NRXN3: variants seen among roughly 807,000 people sequenced by gnomAD.
NRXN3 encodes the protein neurexin III.
Under a neutral mutation model 137.6 loss-of-function variants are expected in NRXN3, and 32 were observed. The observed-to-expected ratio is 0.23, with a 90% CI of 0.18 to 0.31. NRXN3 has a LOEUF of 0.31. Ranked by LOEUF, NRXN3 falls within the 10% of genes least tolerant of loss-of-function variation. NRXN3 has a pLI of 1.00. For synonymous variants in NRXN3, 798 were observed against 784.5 expected (o/e 1.02, Z -0.29); for missense variants, 1,574 against 2,062.5 (o/e 0.76, Z 4.59).
intron 4 of NRXN3, among the ~76,000 whole-genome samples, chr14:78,386,841 T>C (rs1012575325): frequency 2.6e-5 from 4 of 151,950 alleles, no homozygotes; most frequent in Non-Finnish European, 4.4e-5. Context: ...AGTGCAGCGG[T>C]GCCATCTTGG....
At chr14:79,500,024 A>T (rs1476555279) in intron 16 of NRXN3, among the ~76,000 whole-genome samples, 1 of 151,110 alleles carries the variant, frequency 6.6e-6, no homozygotes, top group Admixed American at 6.7e-5. Flanking sequence ...AAACTAATGC[A>T]ATGTAAGAAG....
intron 8 of NRXN3, among the ~76,000 whole-genome samples, chr14:78,757,174 G>A (rs1454857490): frequency 6.6e-6 from 1 of 152,100 alleles, no homozygotes; most frequent in South Asian, 2.1e-4. Flanking sequence ...TTGGGAGGCC[G>A]AGGGGGGCAG....
chr14:78,951,512 T>TC (rs1355403327), intron 10 of NRXN3, among the ~76,000 whole-genome samples: 1 of 152,134 alleles, frequency 6.6e-6, no homozygotes, highest in Non-Finnish European at 1.5e-5. Flanking sequence ...AAGTAGCCAG[T>TC]CCTCAGTCCT....
chr14:79,663,945 T>A lies in NRXN3; in HGVS notation c.3612T>A (p.Pro1204=). The part of the protein sequence containing the change: ...VDNWPVNEHY[P]TGNTDNERFQ... ...ACTGGCCAGTGAATGAACATTATCC[T>A]ACAGGTACATGTTGTTCGCTCAATG... The change falls in exon 17 of 21, where the codon CCT becomes CCA. Residue 1204 remains proline, a synonymous_variant. Transcript: ENST00000335750. The A allele has an allele frequency of 6.2e-7, 1 of 1,613,328 alleles. No individual in the cohort carries two copies. The highest frequency in any genetic ancestry group is 8.5e-7 in the Non-Finnish European group (1 of 1,179,514).
chr14:78,245,874 A>AG (rs1471815133), intron 2 of NRXN3, among the ~76,000 whole-genome samples: 1 of 152,130 alleles, frequency 6.6e-6, no homozygotes, highest in African/African-American at 2.4e-5. Context: ...CACTGGGAGA[A>AG]GGGGTGGGGA....
At chr14:78,444,217 GATGAC>G (rs1382738275) in intron 4 of NRXN3, among the ~76,000 whole-genome samples, 1 of 152,184 alleles carries the variant, frequency 6.6e-6, no homozygotes, top group Admixed American at 6.5e-5. Context: ...ACAAGAACAT[GATGAC>G]ATGAATAGTG....
intron 4 of NRXN3, among the ~76,000 whole-genome samples, chr14:78,608,432 G>A (rs1359898937): frequency 6.6e-6 from 1 of 152,178 alleles, no homozygotes; most frequent in South Asian, 2.1e-4. Context: ...TCTCTTTACT[G>A]TTTTCACATA....
chr14:79,224,333 A>G (rs1390345251), intron 15 of NRXN3, among the ~76,000 whole-genome samples: 1 of 152,208 alleles, frequency 6.6e-6, no homozygotes, highest in African/African-American at 2.4e-5. Context: ...TTGGATTACC[A>G]TTGTCAATAT....
chr14:79,731,841 T>G (rs1403179792), intron 19 of NRXN3, among the ~76,000 whole-genome samples: 2 of 151,868 alleles, frequency 1.3e-5, no homozygotes, highest in African/African-American at 4.8e-5. Flanking sequence ...TTTTAATTTT[T>G]TTTTTGGTTG....
rs566776032 is a variant in NRXN3 at position 79,835,909 on chromosome 14, G to A, written c.4094-25433G>A. On this transcript the variant is annotated intron_variant, in intron 20 of 20. Coordinates refer to ENST00000335750, the MANE Select transcript of NRXN3 (RefSeq NM_001330195.2). Reference sequence around the variant, plus strand: ...ACAGTGACAGCAGGGGAACAGCACAGTATCCTACTTGGCCACTGGTAGGAG... The same window carrying A: ...ACAGTGACAGCAGGGGAACAGCACAATATCCTACTTGGCCACTGGTAGGAG... 2.0e-5 allele frequency among the ~76,000 whole-genome samples: 3 copies of A among 152,246 alleles called. No individual in the cohort carries two copies. In the East Asian group the frequency reaches 5.8e-4, roughly 29 times the overall value.
At chr14:78,928,764 G>A (rs1468412540) in intron 10 of NRXN3, among the ~76,000 whole-genome samples, 2 of 152,076 alleles carry the variant, frequency 1.3e-5, no homozygotes, top group African/African-American at 4.8e-5. Flanking sequence ...ATAAACATAC[G>A]TGTGCATGTG....
rs548699852 is a variant in NRXN3, at chr14:78,419,735, A to T, written c.757+121875A>T. ...GGTAATGAATAATTAAAGGTTAAACAAAGGGAATAGTTCTAGAGACTGGGT... is the reference window on the plus strand; with the variant it reads ...GGTAATGAATAATTAAAGGTTAAACTAAGGGAATAGTTCTAGAGACTGGGT... On this transcript the variant is annotated intron_variant, in intron 4 of 20. Coordinates refer to ENST00000335750, the MANE Select transcript of NRXN3 (RefSeq NM_001330195.2). Among the ~76,000 whole-genome samples the T allele has an allele frequency of 3.9e-5, 6 of 152,262 alleles. No homozygotes were observed. The East Asian group carries it at 1.2e-3, about 29-fold the overall frequency.
At chr14:78,967,124 C>A in intron 12 of NRXN3, 84 bp from the exon 13 acceptor site, 1 of 1,142,540 alleles carries the variant, frequency 8.8e-7, no homozygotes, top group Non-Finnish European at 1.2e-6. Context: ...GGATTTGAAG[C>A]CCACTATGTC....
At chr14:79,090,129 T>C (rs910780844) in intron 15 of NRXN3, among the ~76,000 whole-genome samples, 6 of 152,146 alleles carry the variant, frequency 3.9e-5, no homozygotes, top group African/African-American at 1.4e-4. Context: ...GGAAACACCT[T>C]CTCTTTTTAA....
intron 15 of NRXN3, among the ~76,000 whole-genome samples, chr14:79,212,000 G>A (rs980461356): frequency 6.6e-6 from 1 of 152,118 alleles, no homozygotes; most frequent in African/African-American, 2.4e-5. Context: ...TGTTGTTTCT[G>A]ATATTTTTCT....
At chr14:79,099,281 A>G (rs554397486) in intron 15 of NRXN3, among the ~76,000 whole-genome samples, 1 of 152,060 alleles carries the variant, frequency 6.6e-6, no homozygotes, top group Non-Finnish European at 1.5e-5. Context: ...TGTGAGATTT[A>G]ATTCTAGACC....
At chr14:79,805,682 A>G (rs1448785546) in intron 20 of NRXN3, among the ~76,000 whole-genome samples, 2 of 152,126 alleles carry the variant, frequency 1.3e-5, no homozygotes, top group Non-Finnish European at 2.9e-5. Context: ...CCAAAAATAT[A>G]TGTATATATA....
chr14:78,285,364 G>A (rs1301630569), intron 3 of NRXN3, among the ~76,000 whole-genome samples: 3 of 152,102 alleles, frequency 2.0e-5, no homozygotes, highest in Admixed American at 6.6e-5. Context: ...TTTAAGCCAG[G>A]CATGGAAATA....
intron 4 of NRXN3, among the ~76,000 whole-genome samples, chr14:78,466,976 C>T (rs942535598): frequency 6.6e-6 from 1 of 152,120 alleles, no homozygotes; most frequent in Admixed American, 6.5e-5. Context: ...TGCACATGTA[C>T]CCCTGCACTT....
Sources: gnomAD v4.1 joint callset for allele counts (sites outside exome capture counted in the v4.1 genomes callset) on GRCh38, gnomAD v4.1.1 for gene constraint, MANE v1.5 for transcripts, NCBI Gene and HGNC (gene_info 2026-07-23, HGNC 2026-07-21) for gene names.